MIS18BP1: variants seen among roughly 807,000 people sequenced by gnomAD.
MIS18BP1 encodes mis18-binding protein 1.
MIS18BP1 carries 72 observed loss-of-function variants against 116.1 expected under a neutral mutation model. That is an observed-to-expected ratio of 0.62 (90% CI 0.51 to 0.75). The LOEUF is 0.75. Among genes scored for constraint, MIS18BP1 ranks in the 30% least tolerant of loss-of-function variants. The pLI, the probability that MIS18BP1 is intolerant of heterozygous loss-of-function variation, is 0.00. For synonymous variants in MIS18BP1, 386 were observed against 427.0 expected (o/e 0.90, Z 1.18); for missense variants, 1,363 against 1,303.2 (o/e 1.05, Z -0.71).
At chr14:45,208,320 G>A (rs969986490) in intron 14 of MIS18BP1, among the ~76,000 whole-genome samples, 2 of 150,480 alleles carry the variant, frequency 1.3e-5, no homozygotes, top group African/African-American at 4.9e-5. Flanking sequence ...ACGGCCAAAA[G>A]GATGAAGTTG....
At chr14:45,229,735 TAAA>T (rs1891223891) in intron 8 of MIS18BP1, among the ~76,000 whole-genome samples, 1 of 152,090 alleles carries the variant, frequency 6.6e-6, no homozygotes, top group Admixed American at 6.6e-5. Flanking sequence ...AACAAATGAT[TAAA>T]AGTGAGATAT....
intron 14 of MIS18BP1, among the ~76,000 whole-genome samples, chr14:45,207,277 A>AGGCAT (rs1339796933): frequency 1.3e-5 from 2 of 152,230 alleles, no homozygotes; most frequent in Non-Finnish European, 2.9e-5. Flanking sequence ...ACAACCTTAA[A>AGGCAT]GGCATGACAT....
Position 45,218,266 on chromosome 14 carries a change from T to G in MIS18BP1, c.2842+16A>C. The G allele has an allele frequency of 2.5e-6, 4 of 1,608,894 alleles. No individual in the cohort carries two copies. Among genetic ancestry groups the G allele is most frequent in the Non-Finnish European group, 3.4e-6 (4 of 1,178,642 alleles). On this transcript the variant is annotated intron_variant, in intron 12 of 16. Transcript: ENST00000310806. Reference sequence around the variant, plus strand: ...CACTGAGTACTAGGAAAAAAACTATTTACTACGAAGGTTACCATTTTGGCC... The same window carrying G: ...CACTGAGTACTAGGAAAAAAACTATGTACTACGAAGGTTACCATTTTGGCC...
chr14:45,221,941 C>G (rs770329335), intron 11 of MIS18BP1, among the ~76,000 whole-genome samples: 4 of 152,184 alleles, frequency 2.6e-5, no homozygotes, highest in African/African-American at 9.7e-5. Context: ...CAGGTGCATA[C>G]ACACTTAGGA....
At chr14:45,241,534 CCTT>C (rs1194727853) in intron 4 of MIS18BP1, 1 of 152,588 alleles carries the variant, frequency 6.6e-6, no homozygotes, top group African/African-American at 2.4e-5. Flanking sequence ...GCATCTTCCT[CCTT>C]AAGCTTGTAT....
At chr14:45,204,346 G>A in intron 16 of MIS18BP1, 53 bp downstream of exon 16, 1 of 1,559,930 alleles carries the variant, frequency 6.4e-7, no homozygotes. Context: ...TTTAAATAAA[G>A]AACCTACCTT....
At chr14:45,228,858 C>T (rs1327998130) in intron 8 of MIS18BP1, among the ~76,000 whole-genome samples, 1 of 152,130 alleles carries the variant, frequency 6.6e-6, no homozygotes, top group Non-Finnish European at 1.5e-5. Flanking sequence ...CATTAAAACA[C>T]ATACATAAAA....
At chr14:45,235,536 G>A (rs867779547) in intron 6 of MIS18BP1, among the ~76,000 whole-genome samples, 6 of 146,248 alleles carry the variant, frequency 4.1e-5, no homozygotes, top group African/African-American at 1.3e-4. Context: ...GTTGCAGTGA[G>A]CCGAGATCGT....
chr14:45,222,441 G>T (rs1414373793), intron 11 of MIS18BP1, among the ~76,000 whole-genome samples: 1 of 152,096 alleles, frequency 6.6e-6, no homozygotes, highest in Non-Finnish European at 1.5e-5. Flanking sequence ...AGTCTACTTA[G>T]AATCAATATT....
At chr14:45,209,708 T>C (rs1890623634) in intron 14 of MIS18BP1, among the ~76,000 whole-genome samples, 1 of 152,208 alleles carries the variant, frequency 6.6e-6, no homozygotes, top group South Asian at 2.1e-4. Context: ...ATTTAAACAA[T>C]GCTACAATGA....
Position 45,204,146 on chromosome 14 carries a change from T to C in MIS18BP1, c.3362A>G (p.Glu1121Gly). ...AGAGTTCGAAAAATAATAATCTTTCTCTTCTTCATCTAAAGATTCCACAGC... is the reference window on the plus strand; with the variant it reads ...AGAGTTCGAAAAATAATAATCTTTCCCTTCTTCATCTAAAGATTCCACAGC... ...TNAVESLDEE[E>G]KDYYFSNSDS... The change falls in exon 17 of 17, where the codon GAG becomes GGG. Residue 1121 changes from glutamate (E) to glycine (G), a missense_variant. Transcript: ENST00000310806. The C allele has an allele frequency of 6.2e-7, 1 of 1,611,348 alleles. No individual in the cohort carries two copies.
rs143420502 is a variant in MIS18BP1, at chr14:45,207,916, A to G, written c.3153-1746T>C. On this transcript the variant is annotated intron_variant, in intron 14 of 16. Coordinates refer to ENST00000310806, the MANE Select transcript of MIS18BP1 (RefSeq NM_018353.5). ...ATAAGTGAATCTATCGTGTTTCTTT[A>G]ATTGTAAAAGTGACATAAATGGACA... 4.8e-3 allele frequency among the ~76,000 whole-genome samples: 732 copies of G among 152,338 alleles called. 7 individuals carry two copies. The highest frequency in any genetic ancestry group is 0.017 in the African/African-American group (690 of 41,572).
chr14:45,204,576 A>C, intron 15 of MIS18BP1, 123 bp from the exon 16 acceptor site: 1 of 616,894 alleles, frequency 1.6e-6, no homozygotes, highest in East Asian at 3.1e-5. Context: ...ACAACATTTA[A>C]TCACATTATA....
At chr14:45,214,489 AATG>A (rs762577224) in intron 13 of MIS18BP1, among the ~76,000 whole-genome samples, 8 of 152,278 alleles carry the variant, frequency 5.3e-5, no homozygotes, top group Non-Finnish European at 1.0e-4. Context: ...TGGTAGAGAT[AATG>A]ATCAATAAAT....
chr14:45,235,833 T>A lies in MIS18BP1; in HGVS notation c.1329A>T (p.Gln443His). 6.3e-7 allele frequency: 1 copy of A among 1,598,766 alleles called. No individual in the cohort carries two copies. The highest frequency in any genetic ancestry group is 8.5e-7 in the Non-Finnish European group (1 of 1,175,402). ...NVYILKGMID[Q>H]ISMKEAGYPN... is the part of the protein sequence containing the mutation. Reference sequence around the variant, plus strand: ...ATTTACCTGCTTCTTTCATGGAAATTTGGTCTATCATGCCTTTTAATATAT... The same window carrying A: ...ATTTACCTGCTTCTTTCATGGAAATATGGTCTATCATGCCTTTTAATATAT... The change falls in exon 6 of 17, where the codon CAA (glutamine) becomes CAT (histidine). Residue 443 changes from glutamine to histidine, a missense_variant. Physicochemically the swap from Gln to His is conservative, Grantham distance 24. Coordinates refer to ENST00000310806, the MANE Select transcript of MIS18BP1 (RefSeq NM_018353.5).
At position 45,214,754 on chromosome 14, in the gene MIS18BP1, C is replaced by T. The variant is rs1458234989; in HGVS notation, c.3003+2265G>A. 3.3e-5 allele frequency among the ~76,000 whole-genome samples: 5 copies of T among 152,176 alleles called. No homozygotes were observed. The South Asian group carries it at 8.3e-4, about 25-fold the overall frequency. ...ATTTCTACTTTAGTTCTGTTCTTTA[C>T]ATTTTTATTTTTTTGAGATGGAGTT... On this transcript the variant is annotated intron_variant, in intron 13 of 16. Coordinates refer to ENST00000310806, the MANE Select transcript of MIS18BP1 (RefSeq NM_018353.5).
intron 13 of MIS18BP1, 146 bp from the exon 14 acceptor site, chr14:45,210,674 G>GTAC: frequency 1.1e-6 from 1 of 879,130 alleles, no homozygotes; most frequent in South Asian, 1.6e-5. Context: ...TAGAGGAGTA[G>GTAC]AGGCTAGAGG....
At position 45,237,933 on chromosome 14, in the gene MIS18BP1, T is replaced by C. The variant is rs1252965; in HGVS notation, c.1144-212A>G. ...AAGAAAAGACTGAATTCAGGTTGTATTGCATTTGTTCTACAATCAAGAAGC... is the reference window on the plus strand; with the variant it reads ...AAGAAAAGACTGAATTCAGGTTGTACTGCATTTGTTCTACAATCAAGAAGC... On this transcript the variant is annotated intron_variant, in intron 4 of 16. Transcript: ENST00000310806. Among the ~76,000 whole-genome samples the C allele has an allele frequency of 7.2e-3, 1,104 of 152,300 alleles. 23 individuals are homozygous for C. Among genetic ancestry groups the C allele is most frequent in the African/African-American group, 0.025 (1,044 of 41,566 alleles).
chr14:45,250,895 G>A (rs905929037), intron 1 of MIS18BP1, among the ~76,000 whole-genome samples: 1 of 151,862 alleles, frequency 6.6e-6, no homozygotes, highest in African/African-American at 2.4e-5. Context: ...AAATTAGCCG[G>A]GCGTGGTGAC....
Sources: gnomAD v4.1 joint callset for allele counts (sites outside exome capture counted in the v4.1 genomes callset) on GRCh38, gnomAD v4.1.1 for gene constraint, MANE v1.5 for transcripts, NCBI Gene and HGNC (gene_info 2026-07-23, HGNC 2026-07-21) for gene names.